Variants in BTBD8 observed in about 807,000 individuals in gnomAD.
BTBD8 encodes the protein BTB/POZ domain-containing protein 8.
Under a neutral mutation model 162.9 loss-of-function variants are expected in BTBD8, and 110 were observed. The observed-to-expected ratio is 0.68, with a 90% CI of 0.58 to 0.79. The LOEUF (loss-of-function observed/expected upper bound fraction) is 0.79, where lower values mean the gene tolerates loss of function less well. Among genes scored for constraint, BTBD8 ranks in the 30% least tolerant of loss-of-function variants. BTBD8 has a pLI of 0.00. For missense variants in BTBD8, 1,905 were observed against 2,085.4 expected, an observed-to-expected ratio of 0.91 and a Z score of 1.68; for synonymous variants, 667 against 716.1, an observed-to-expected ratio of 0.93 and a Z score of 1.10.
chr1:92,106,442 C>T (rs1017457947), intron 3 of BTBD8, among the ~76,000 whole-genome samples: 4 of 151,756 alleles, frequency 2.6e-5, no homozygotes, highest in Non-Finnish European at 4.4e-5. Context: ...GGGCAGATCA[C>T]GAGGTCAGGA....
chr1:92,151,352 CA>C lies in BTBD8; in HGVS notation c.1122+3583del, dbSNP rs11406119. Among the ~76,000 whole-genome samples the C allele has an allele frequency of 2.9e-3, 374 of 127,894 alleles. 3 individuals carry two copies. The highest frequency in any genetic ancestry group is 7.7e-3 in the African/African-American group (262 of 33,998). 83.9% of individuals were successfully genotyped at this position (127,894 alleles called of 152,430 possible). A position where few individuals can be genotyped will look rare whatever the true frequency, so the allele number is the denominator to read the frequency against. On this transcript the variant is annotated intron_variant, in intron 9 of 17. Coordinates refer to ENST00000636805, the MANE Select transcript of BTBD8 (RefSeq NM_001376131.1). ...CTAGGCAACAAGAACGAAACTGTCT[CA>C]AAAAAAAAAAAAAAAAGTAAATGTA...
chr1:92,143,462 C>T (rs546068535), intron 7 of BTBD8, among the ~76,000 whole-genome samples: 4 of 151,866 alleles, frequency 2.6e-5, no homozygotes, highest in South Asian at 4.2e-4. Context: ...ATTATCAGTA[C>T]GGTATTTTGT....
In BTBD8 at chr1:92,181,060, A is replaced by G; in HGVS notation, c.3377A>G (p.Asn1126Ser). Residue 1126 changes from asparagine to serine, a missense_variant, in exon 17 of 18, where the codon AAC becomes AGC. Around this residue, in one of 3 missense-constraint regions of BTBD8, gnomAD observed 1,374 missense variants for 1,442.7 expected, o/e 0.95. Coordinates refer to ENST00000636805, the MANE Select transcript of BTBD8 (RefSeq NM_001376131.1). ...ATCCATTTGATATCAGATAGGGAGAACCAAGTAGGGAGAAAAGATACAAAC... is the reference window on the plus strand; with the variant it reads ...ATCCATTTGATATCAGATAGGGAGAGCCAAGTAGGGAGAAAAGATACAAAC... ...GQIHLISDRE[N>S]QVGRKDTNKQ... is the part of the protein sequence containing the mutation. The G allele has an allele frequency of 6.4e-7, 1 of 1,551,816 alleles. No homozygotes were observed. Among genetic ancestry groups the G allele is most frequent in the South Asian group, 1.2e-5 (1 of 84,068 alleles).
chr1:92,082,541 G>T (rs1648045306), intron 1 of BTBD8, among the ~76,000 whole-genome samples: 1 of 152,186 alleles, frequency 6.6e-6, no homozygotes, highest in South Asian at 2.1e-4. Context: ...ATTAGGTAAA[G>T]ATTGGGAAGG....
chr1:92,157,882 G>T (rs1650196395), intron 9 of BTBD8, among the ~76,000 whole-genome samples: 1 of 152,072 alleles, frequency 6.6e-6, no homozygotes, highest in South Asian at 2.1e-4. Flanking sequence ...TCTCTCTTCA[G>T]ATCTATTAAT....
rs1649681618 is a variant in BTBD8 at position 92,138,296 on chromosome 1, T to C, written c.753-1054T>C. ...ACACCTTATAGCCTGAAGGCAATTT[T>C]ATAAAGTATTTTAAATAGTTTTGTG... On this transcript the variant is annotated intron_variant, in intron 5 of 17. Transcript: ENST00000636805. Among the ~76,000 whole-genome samples, 6 of 152,220 alleles carry C rather than the reference T, an allele frequency of 3.9e-5. No homozygotes were observed. The South Asian group carries it at 1.2e-3, about 32-fold the overall frequency.
chr1:92,149,893 T>C (rs1303956962), intron 9 of BTBD8, among the ~76,000 whole-genome samples: 2 of 152,182 alleles, frequency 1.3e-5, no homozygotes, highest in African/African-American at 2.4e-5. Context: ...CCCATCCTTG[T>C]CAATTCCAGC....
intron 9 of BTBD8, among the ~76,000 whole-genome samples, chr1:92,152,483 G>T (rs1650067979): frequency 6.6e-6 from 1 of 152,036 alleles, no homozygotes; most frequent in Admixed American, 6.6e-5. Flanking sequence ...CTGGTTAGAG[G>T]ACAATTTTAA....
chr1:92,099,577 A>G (rs555008841), intron 2 of BTBD8, among the ~76,000 whole-genome samples: 30 of 152,324 alleles, frequency 2.0e-4, no homozygotes, highest in African/African-American at 7.0e-4. Flanking sequence ...ATTGTTTTGT[A>G]GCTTTCAATG....
chr1:92,122,558 T>G (rs1649243545), intron 4 of BTBD8, among the ~76,000 whole-genome samples: 2 of 145,964 alleles, frequency 1.4e-5, no homozygotes, highest in African/African-American at 2.6e-5. Context: ...CGCCTGGTCT[T>G]TTTTGTTTGT....
In BTBD8 at chr1:92,178,386, G is replaced by A; in HGVS notation, c.2516G>A (p.Ser839Asn). 2 of 1,551,402 alleles carry A rather than the reference G, an allele frequency of 1.3e-6. No homozygotes were observed. Among genetic ancestry groups the A allele is most frequent in the Non-Finnish European group, 1.7e-6 (2 of 1,146,710 alleles). The change falls in exon 16 of 18, where the codon AGC (serine) becomes AAC (asparagine). Residue 839 changes from serine (S) to asparagine (N), a missense_variant. Around this residue, in one of 3 missense-constraint regions of BTBD8, gnomAD observed 1,374 missense variants for 1,442.7 expected, o/e 0.95. Coordinates refer to ENST00000636805, the MANE Select transcript of BTBD8 (RefSeq NM_001376131.1). Reference sequence around the variant, plus strand: ...GCAATTTTGAAGAAAAGAGGAACTAGCAATGGATGTACTGCAGCTCAGCAG... The same window carrying A: ...GCAATTTTGAAGAAAAGAGGAACTAACAATGGATGTACTGCAGCTCAGCAG... ...PQAILKKRGT[S>N]NGCTAAQQRT...
Position 92,177,296 on chromosome 1 carries a change from T to G in BTBD8, c.2103T>G (p.Asn701Lys), listed in dbSNP as rs1233585355. 6.4e-7 allele frequency: 1 copy of G among 1,552,044 alleles called. No individual in the cohort carries two copies. Among genetic ancestry groups the G allele is most frequent in the South Asian group, 1.2e-5 (1 of 84,066 alleles). The change falls in exon 14 of 18, where the codon AAT becomes AAG. Residue 701 changes from asparagine to lysine, a missense_variant. This residue lies in a region of BTBD8 where 1,374 missense variants were observed against 1,442.7 expected (regional missense o/e 0.95). Transcript: ENST00000636805. ...CCAAGGTACTCACAGGAAACTTAAATGTGCAAGCCAAAGCAAAGCCTTTGA... is the reference window on the plus strand; with the variant it reads ...CCAAGGTACTCACAGGAAACTTAAAGGTGCAAGCCAAAGCAAAGCCTTTGA... The part of the protein sequence containing the change: ...ARPKVLTGNL[N>K]VQAKAKPLKK...
intron 2 of BTBD8, among the ~76,000 whole-genome samples, chr1:92,093,719 A>G (rs757202761): frequency 1.3e-5 from 2 of 152,352 alleles, no homozygotes; most frequent in Non-Finnish European, 2.9e-5. Flanking sequence ...TGGCCTGGGC[A>G]TGTGGTAAGC....
At chr1:92,118,343 T>C (rs1649100977) in intron 4 of BTBD8, among the ~76,000 whole-genome samples, 1 of 150,106 alleles carries the variant, frequency 6.7e-6, no homozygotes, top group Admixed American at 6.7e-5. Context: ...AGGTATTTTA[T>C]AGAAATTCCC....
chr1:92,172,058 T>C (rs1650561360), intron 13 of BTBD8, among the ~76,000 whole-genome samples: 2 of 152,154 alleles, frequency 1.3e-5, no homozygotes, highest in South Asian at 4.1e-4. Context: ...ACCATTGCAC[T>C]CCAGCCTGGG....
chr1:92,103,056 G>A (rs549600905), intron 3 of BTBD8, among the ~76,000 whole-genome samples: 9 of 152,210 alleles, frequency 5.9e-5, no homozygotes, highest in Non-Finnish European at 1.2e-4. Flanking sequence ...ATTTTACCAT[G>A]AAAGAGACCT....
At chr1:92,126,485 C>T in intron 4 of BTBD8, 1 of 705,894 alleles carries the variant, frequency 1.4e-6, no homozygotes, top group Admixed American at 2.1e-5. Context: ...CTTGGGCCTC[C>T]CTTTTCTCCT....
At chr1:92,147,532 A>G (rs1398347644) in intron 8 of BTBD8, 152 bp from the exon 9 acceptor site, 1 of 632,226 alleles carries the variant, frequency 1.6e-6, no homozygotes, top group East Asian at 2.8e-5. Flanking sequence ...TTTACAGGAA[A>G]GAGAATATAA....
At chr1:92,130,539 T>TTACAC (rs371555204) in intron 5 of BTBD8, among the ~76,000 whole-genome samples, 1 of 131,124 alleles carries the variant, frequency 7.6e-6, no homozygotes, top group Non-Finnish European at 1.7e-5. Flanking sequence ...TATATATATT[T>TTACAC]ACACACACAC....
Sources: gnomAD v4.1 joint callset for allele counts (sites outside exome capture counted in the v4.1 genomes callset) on GRCh38, gnomAD v4.1.1 for gene constraint, gnomAD v4.1.1 regional missense constraint, MANE v1.5 for transcripts, NCBI Gene and HGNC (gene_info 2026-07-23, HGNC 2026-07-21) for gene names.